CSMD2: variants seen among roughly 807,000 people sequenced by gnomAD.
CSMD2 encodes CUB and sushi domain-containing protein 2.
A neutral mutation model predicts 398.5 loss-of-function variants in CSMD2; 130 were observed. The observed-to-expected ratio is 0.33, with a 90% CI of 0.28 to 0.38. The LOEUF (loss-of-function observed/expected upper bound fraction) is 0.38. Among genes scored for constraint, CSMD2 ranks in the 10% least tolerant of loss-of-function variants. CSMD2 has a pLI of 1.00. For missense variants in CSMD2, 3,829 were observed against 4,764.9 expected (o/e 0.80, Z 5.78); for synonymous variants, 1,828 against 1,908.5 (o/e 0.96, Z 1.10).
In CSMD2 at chr1:33,726,690, G is replaced by A. The variant is rs367603007; in HGVS notation, c.2369-5C>T. On this transcript the variant is annotated splice_region_variant and splice_polypyrimidine_tract_variant and intron_variant, in intron 15 of 70. Transcript: ENST00000373381. ...TCAGGTGACCACCACAGGGAGCTGG[G>A]GGGACAGAAGGAAGAGAGGCAGCTT... The A allele has an allele frequency of 3.9e-5, 62 of 1,606,558 alleles. No individual in the cohort carries two copies. Among genetic ancestry groups the A allele is most frequent in the Middle Eastern group, 3.3e-4 (2 of 6,062 alleles).
intron 5 of CSMD2, among the ~76,000 whole-genome samples, chr1:33,888,946 A>G (rs1303927039): frequency 6.6e-6 from 1 of 151,948 alleles, no homozygotes; most frequent in Non-Finnish European, 1.5e-5. Flanking sequence ...TTTGTTTTGT[A>G]TTTTTAGTAG....
rs181247886 is a variant in CSMD2, at chr1:33,886,234, G to A, written c.920+31860C>T. Among the ~76,000 whole-genome samples the A allele has an allele frequency of 2.1e-4, 32 of 152,280 alleles. No individual in the cohort carries two copies. The East Asian group carries it at 4.4e-3, about 21-fold the overall frequency. Reference sequence around the variant, plus strand: ...TCAAAGAGTTTTCAGCAAGGAAACAGCACAGCCAGATTTGGTTTAGAAAGG... The same window carrying A: ...TCAAAGAGTTTTCAGCAAGGAAACAACACAGCCAGATTTGGTTTAGAAAGG... On this transcript the variant is annotated intron_variant, in intron 5 of 70. Coordinates refer to ENST00000373381, the MANE Select transcript of CSMD2 (RefSeq NM_001281956.2).
At chr1:34,050,973 A>C (rs1263705108) in intron 2 of CSMD2, among the ~76,000 whole-genome samples, 1 of 152,186 alleles carries the variant, frequency 6.6e-6, no homozygotes, top group East Asian at 1.9e-4. Context: ...TACTGTGCTG[A>C]AAGTTAAGAC....
At chr1:33,870,969 A>T (rs1640418277) in intron 5 of CSMD2, 2 of 148,096 alleles carry the variant, frequency 1.4e-5, no homozygotes, top group African/African-American at 5.3e-5. Flanking sequence ...TCAGGCCCTC[A>T]GTCAAACAGC....
intron 2 of CSMD2, among the ~76,000 whole-genome samples, chr1:34,038,274 A>G (rs1651403119): frequency 6.6e-6 from 1 of 152,228 alleles, no homozygotes; most frequent in South Asian, 2.1e-4. Flanking sequence ...GTATCCTTCA[A>G]TAGTGAAATC....
chr1:33,752,229 G>A (rs1305194949), intron 13 of CSMD2, among the ~76,000 whole-genome samples: 1 of 152,218 alleles, frequency 6.6e-6, no homozygotes, highest in Non-Finnish European at 1.5e-5. Context: ...AGGTTGAAAT[G>A]TAATCCCCAA....
intron 22 of CSMD2, among the ~76,000 whole-genome samples, chr1:33,704,574 T>A (rs1645713559): frequency 6.6e-6 from 1 of 152,234 alleles, no homozygotes; most frequent in South Asian, 2.1e-4. Flanking sequence ...ATTAGCAGGA[T>A]AATGTCTTTT....
At chr1:33,916,949 T>C (rs1643752561) in intron 5 of CSMD2, among the ~76,000 whole-genome samples, 1 of 152,090 alleles carries the variant, frequency 6.6e-6, no homozygotes, top group Admixed American at 6.5e-5. Flanking sequence ...TCTCCTCTCC[T>C]TCCCATCTTC....
chr1:33,845,224 C>T (rs1661240578), intron 6 of CSMD2, among the ~76,000 whole-genome samples: 1 of 152,264 alleles, frequency 6.6e-6, no homozygotes, highest in African/African-American at 2.4e-5. Context: ...AGCTTTACAG[C>T]TCACAGGCTG....
chr1:33,542,849 A>G lies in CSMD2; in HGVS notation c.9148T>C (p.Phe3050Leu). 2 of 1,614,232 alleles carry G rather than the reference A, an allele frequency of 1.2e-6. No homozygotes were observed. The highest frequency in any genetic ancestry group is 1.7e-6 in the Non-Finnish European group (2 of 1,180,040). ...PGTPSNARVV[F>L]SDGLVFSSSI... ...CTGGAGAAAACCAGGCCATCACTGA[A>G]CACAACTCGGGCATTACTTGGAGTC... is the stretch of plus-strand genomic sequence containing the variant. The change falls in exon 58 of 71, where the codon TTC becomes CTC. Residue 3050 changes from phenylalanine to leucine, a missense_variant. Transcript: ENST00000373381.
At chr1:33,996,089 T>C (rs1373704277) in intron 3 of CSMD2, among the ~76,000 whole-genome samples, 5 of 152,142 alleles carry the variant, frequency 3.3e-5, no homozygotes, top group Admixed American at 6.5e-5. Flanking sequence ...GGAAAAGAAA[T>C]TCAAATGACC....
chr1:33,553,541 C>A (rs577045857), intron 55 of CSMD2, among the ~76,000 whole-genome samples: 18 of 152,278 alleles, frequency 1.2e-4, no homozygotes, highest in Middle Eastern at 3.4e-3. Flanking sequence ...CTATGATGTC[C>A]TCTAAGTGTT....
intron 2 of CSMD2, among the ~76,000 whole-genome samples, chr1:34,062,755 C>G (rs1369715008): frequency 6.6e-6 from 1 of 152,178 alleles, no homozygotes; most frequent in Non-Finnish European, 1.5e-5. Flanking sequence ...TGAGACTCTG[C>G]TCTCTGATGC....
At chr1:33,816,506 G>A (rs1476770740) in intron 9 of CSMD2, among the ~76,000 whole-genome samples, 4 of 152,130 alleles carry the variant, frequency 2.6e-5, no homozygotes, top group Non-Finnish European at 4.4e-5. Flanking sequence ...TGCTCCACTT[G>A]TATCTGTTTT....
chr1:34,109,866 C>T (rs1380520713), intron 1 of CSMD2, among the ~76,000 whole-genome samples: 2 of 151,484 alleles, frequency 1.3e-5, no homozygotes, highest in African/African-American at 2.4e-5. Context: ...AGTGAAACCC[C>T]GTCTCTACTA....
At chr1:33,648,361 CAA>C (rs61207590) in intron 28 of CSMD2, among the ~76,000 whole-genome samples, 2,167 of 71,762 alleles carry the variant, frequency 0.03, 46 homozygotes, top group African/African-American at 0.088. Flanking sequence ...GACTCTGTCT[CAA>C]AAAAAAAAAA....
chr1:34,030,921 C>T (rs1650329990), intron 3 of CSMD2, among the ~76,000 whole-genome samples: 1 of 152,120 alleles, frequency 6.6e-6, no homozygotes, highest in African/African-American at 2.4e-5. Flanking sequence ...CCAAGGCCAA[C>T]CTATTGTGGA....
chr1:33,824,723 A>G (rs949601843), intron 7 of CSMD2, among the ~76,000 whole-genome samples: 1 of 152,126 alleles, frequency 6.6e-6, no homozygotes, highest in Admixed American at 6.6e-5. Context: ...GAAGACAAGC[A>G]GGGAGAGAAG....
chr1:34,123,928 A>T (rs1475866621), intron 1 of CSMD2, among the ~76,000 whole-genome samples: 1 of 152,206 alleles, frequency 6.6e-6, no homozygotes, highest in East Asian at 1.9e-4. Flanking sequence ...CAGGCAGCTT[A>T]GGTCCAGAAC....
Sources: allele counts gnomAD v4.1 joint callset (sites outside exome capture counted in the v4.1 genomes callset), GRCh38; gene constraint gnomAD v4.1.1; transcripts MANE v1.5; gene names NCBI Gene and HGNC (gene_info 2026-07-23, HGNC 2026-07-21).